Variants in TESK2 observed in about 807,000 individuals in gnomAD.
TESK2 encodes dual specificity testis-specific protein kinase 2.
In TESK2, 39 loss-of-function variants were observed where a neutral mutation model predicts 57.1. The observed-to-expected ratio is 0.68, with a 90% CI of 0.53 to 0.89. The LOEUF (loss-of-function observed/expected upper bound fraction) is 0.89. Among genes scored for constraint, TESK2 ranks in the 40% least tolerant of loss-of-function variants. TESK2 has a pLI of 0.00. For missense variants in TESK2, 646 were observed against 732.1 expected, an observed-to-expected ratio of 0.88 and a Z score of 1.36; for synonymous variants, 249 against 267.9, an observed-to-expected ratio of 0.93 and a Z score of 0.69.
At chr1:45,363,034 G>A (rs910768262) in intron 4 of TESK2, among the ~76,000 whole-genome samples, 2 of 152,120 alleles carry the variant, frequency 1.3e-5, no homozygotes, top group African/African-American at 2.4e-5. Flanking sequence ...GACAATGGCA[G>A]CAAGAATGGA....
Position 45,347,076 on chromosome 1 carries a change from G to T in TESK2, c.709-14C>A, listed in dbSNP as rs760728381. 28 of 1,613,554 alleles carry T rather than the reference G, an allele frequency of 1.7e-5. No individual in the cohort carries two copies. The Admixed American group carries it at 3.2e-4, about 18-fold the overall frequency. ...GAACACATCTGCCTGGTGGGTAGTC[G>T]GACTTTGGTTTCCCTCTTAATGGGT... On this transcript the variant is annotated splice_polypyrimidine_tract_variant and intron_variant, in intron 7 of 10. Coordinates refer to ENST00000372086, the MANE Select transcript of TESK2 (RefSeq NM_007170.3).
chr1:45,450,330 G>C (rs1651820274), intron 2 of TESK2, among the ~76,000 whole-genome samples: 1 of 152,154 alleles, frequency 6.6e-6, no homozygotes, highest in Non-Finnish European at 1.5e-5. Flanking sequence ...TGACCAATAT[G>C]GTGAAATCCC....
In TESK2 at chr1:45,472,563, A is replaced by G. The variant is rs550659565; in HGVS notation, c.-86-14692T>C. Among the ~76,000 whole-genome samples, 786 of 151,806 alleles carry G rather than the reference A, an allele frequency of 5.2e-3. 22 individuals are homozygous for G. The East Asian group carries it at 0.061, about 12-fold the overall frequency. ...ACAAGAGCAAAACTCCATCTCAAAA[A>G]AAAAAAAAAAAAAGGTGATCAAGTA... On this transcript the variant is annotated intron_variant, in intron 1 of 10. Transcript: ENST00000372086.
intron 4 of TESK2, among the ~76,000 whole-genome samples, chr1:45,372,575 TCAA>T (rs111362526): frequency 2.0e-5 from 3 of 150,962 alleles, no homozygotes; most frequent in African/African-American, 2.4e-5. Context: ...CGAGACTGTC[TCAA>T]CAACAACAAC....
At chr1:45,390,333 G>A (rs1649084313) in intron 3 of TESK2, among the ~76,000 whole-genome samples, 1 of 152,018 alleles carries the variant, frequency 6.6e-6, no homozygotes. Context: ...AGGCATGGTG[G>A]CATGCCTGTG....
chr1:45,399,601 C>A (rs142051949), intron 3 of TESK2, among the ~76,000 whole-genome samples: 2 of 152,218 alleles, frequency 1.3e-5, no homozygotes, highest in African/African-American at 4.8e-5. Context: ...AGGCGTGAGC[C>A]ACTGCACCAG....
intron 4 of TESK2, among the ~76,000 whole-genome samples, chr1:45,377,545 A>G (rs1369934266): frequency 6.6e-6 from 1 of 150,614 alleles, no homozygotes; most frequent in Non-Finnish European, 1.5e-5. Flanking sequence ...TAGCCTCCCG[A>G]GTAGCTGGGA....
intron 3 of TESK2, among the ~76,000 whole-genome samples, chr1:45,391,014 T>A (rs1269132793): frequency 1.3e-5 from 2 of 149,720 alleles, no homozygotes; most frequent in African/African-American, 4.9e-5. Context: ...GCCTCCCGGG[T>A]TCATGCCATT....
intron 2 of TESK2, among the ~76,000 whole-genome samples, chr1:45,445,746 G>T (rs1049886726): frequency 2.6e-5 from 4 of 151,854 alleles, no homozygotes; most frequent in African/African-American, 9.7e-5. Flanking sequence ...ACTAAGCCAT[G>T]ATCACATCAC....
chr1:45,357,239 A>AAATAAATG lies in TESK2; in HGVS notation c.394-1791_394-1790insCATTTATT, dbSNP rs1491542740. ...TAAATAAATAAATAAATAAATAAAT[A>AAATAAATG]AATGTATGTATGTATGTATGTATGT... On this transcript the variant is annotated intron_variant, in intron 4 of 10. Coordinates refer to ENST00000372086, the MANE Select transcript of TESK2 (RefSeq NM_007170.3). Among the ~76,000 whole-genome samples, 388 of 126,756 alleles carry AAATAAATG rather than the reference A, an allele frequency of 3.1e-3. 7 individuals carry two copies. The highest frequency in any genetic ancestry group is 0.01 in the African/African-American group (369 of 35,802). The allele number at this position is 126,756 out of a possible 152,430, so 83.2% of individuals were successfully genotyped here. A position where few individuals can be genotyped will look rare whatever the true frequency, so the allele number is the denominator to read the frequency against.
chr1:45,439,487 C>T (rs116675913), intron 2 of TESK2, among the ~76,000 whole-genome samples: 1,817 of 152,256 alleles, frequency 0.012, 30 homozygotes, highest in African/African-American at 0.039. Flanking sequence ...GAAATAATAA[C>T]TAGCCCTTAA....
At chr1:45,374,962 C>T (rs764473192) in intron 4 of TESK2, among the ~76,000 whole-genome samples, 7 of 152,192 alleles carry the variant, frequency 4.6e-5, no homozygotes, top group Non-Finnish European at 8.8e-5. Context: ...TTTTCTTCTG[C>T]TTTCAAAATG....
chr1:45,474,549 T>C (rs1353935775), intron 1 of TESK2, among the ~76,000 whole-genome samples: 1 of 152,082 alleles, frequency 6.6e-6, no homozygotes, highest in Non-Finnish European at 1.5e-5. Context: ...CTCAGCTCAG[T>C]GCAATCTCCA....
At position 45,347,632 on chromosome 1, in the gene TESK2, G is replaced by A. The variant is rs375688752; in HGVS notation, c.685C>T (p.Arg229Ter). The A allele has an allele frequency of 1.4e-5, 22 of 1,613,956 alleles. No individual in the cohort carries two copies. The highest frequency in any genetic ancestry group is 2.7e-5 in the African/African-American group (2 of 74,912). ...ACCTTTTCATTATAGGGCTCATCTC[G>A]GAGAACCTCAGGTGCCATCCAGAAT... ...SPFWMAPEVL[R>*]DEPYNEKADV... The change falls in exon 7 of 11, where the codon CGA becomes TGA. Residue 229 changes from arginine to a stop codon, truncating the protein, a stop_gained. Transcript: ENST00000372086. LOFTEE classifies it high-confidence loss of function.
At chr1:45,410,438 T>A (rs1649993349) in intron 3 of TESK2, among the ~76,000 whole-genome samples, 1 of 151,758 alleles carries the variant, frequency 6.6e-6, no homozygotes, top group South Asian at 2.1e-4. Flanking sequence ...ACCCTGTTTC[T>A]CCTAAAAATA....
At position 45,424,232 on chromosome 1, in the gene TESK2, C is replaced by A. The variant is rs1454447043; in HGVS notation, c.223-2386G>T. 2.0e-5 allele frequency among the ~76,000 whole-genome samples: 3 copies of A among 152,294 alleles called. No individual in the cohort carries two copies. The East Asian group carries it at 5.8e-4, about 29-fold the overall frequency. ...AATGACAATAGCTCCACAAGTTTAT[C>A]ATAGCTATTAATACAGGTCAGACAT... On this transcript the variant is annotated intron_variant, in intron 2 of 10. Coordinates refer to ENST00000372086, the MANE Select transcript of TESK2 (RefSeq NM_007170.3).
At position 45,452,032 on chromosome 1, in the gene TESK2, C is replaced by CAAAAAAAAAAAAAAAA. The variant is rs566363776; in HGVS notation, c.222+5531_222+5532insTTTTTTTTTTTTTTTT. On this transcript the variant is annotated intron_variant, in intron 2 of 10. Coordinates refer to ENST00000372086, the MANE Select transcript of TESK2 (RefSeq NM_007170.3). ...TGGGAGACAGAACAAGACTCCGTCT[C>CAAAAAAAAAAAAAAAA]AAAAAAAAAAAAAAATTTATTTGGT... is the stretch of plus-strand genomic sequence containing the variant. Among the ~76,000 whole-genome samples, 114 of 103,796 alleles carry CAAAAAAAAAAAAAAAA rather than the reference C, an allele frequency of 1.1e-3. 3 individuals are homozygous for CAAAAAAAAAAAAAAAA. Among genetic ancestry groups the CAAAAAAAAAAAAAAAA allele is most frequent in the African/African-American group, 4.4e-3 (104 of 23,602 alleles). The allele number at this position is 103,796 out of a possible 152,430, so 68.1% of individuals were successfully genotyped here. A position where few individuals can be genotyped will look rare whatever the true frequency, so the allele number is the denominator to read the frequency against.
chr1:45,462,474 G>T (rs180698120), intron 1 of TESK2, among the ~76,000 whole-genome samples: 35 of 152,142 alleles, frequency 2.3e-4, no homozygotes, highest in Non-Finnish European at 2.8e-4. Flanking sequence ...AGGTTTCACC[G>T]TGTTAGCCAG....
At chr1:45,389,189 G>C (rs1649035920) in intron 3 of TESK2, among the ~76,000 whole-genome samples, 1 of 152,172 alleles carries the variant, frequency 6.6e-6, no homozygotes, top group Non-Finnish European at 1.5e-5. Context: ...CAAGGCAGAA[G>C]GATCGCTTGA....
Sources: gnomAD v4.1 joint callset for allele counts (sites outside exome capture counted in the v4.1 genomes callset) on GRCh38, gnomAD v4.1.1 for gene constraint, MANE v1.5 for transcripts, NCBI Gene and HGNC (gene_info 2026-07-23, HGNC 2026-07-21) for gene names.